ADGRL2: variants seen among roughly 807,000 people sequenced by gnomAD.
ADGRL2 encodes calcium-independent alpha-latrotoxin receptor 2.
In ADGRL2, 44 loss-of-function variants were observed where a neutral mutation model predicts 157.4. That is an observed-to-expected ratio of 0.28 (90% CI 0.22 to 0.36). The LOEUF is 0.36. ADGRL2 is among the 10% of genes least tolerant of loss of function. ADGRL2 has a pLI of 1.00. For synonymous variants in ADGRL2, 585 were observed against 624.7 expected (o/e 0.94, Z 0.95); for missense variants, 1,510 against 1,768.9 (o/e 0.85, Z 2.63).
chr1:81,941,397 A>G (rs1647948728), intron 4 of ADGRL2, among the ~76,000 whole-genome samples: 1 of 151,600 alleles, frequency 6.6e-6, no homozygotes, highest in Non-Finnish European at 1.5e-5. Flanking sequence ...AATGGTTAAA[A>G]TTAATTTATC....
intron 1 of ADGRL2, among the ~76,000 whole-genome samples, chr1:81,405,602 A>T (rs1206122901): frequency 6.7e-6 from 1 of 148,972 alleles, no homozygotes; most frequent in Non-Finnish European, 1.5e-5. Flanking sequence ...GTGAGTTGTG[A>T]TTATACCACC....
rs1660492282 is a variant in ADGRL2 at position 81,321,452 on chromosome 1, C to G, written c.-302+14943C>G. Reference sequence around the variant, plus strand: ...ACATGCCTTTCTCACTAAGCTTCATCATTTCTAGCTTTTGATTTAAAGTTA... The same window carrying G: ...ACATGCCTTTCTCACTAAGCTTCATGATTTCTAGCTTTTGATTTAAAGTTA... On this transcript the variant is annotated intron_variant, in intron 1 of 24. Transcript: ENST00000370721. Among the ~76,000 whole-genome samples the G allele has an allele frequency of 1.3e-5, 2 of 152,290 alleles. 1 individual carries two copies. The highest frequency in any genetic ancestry group is 4.1e-4 in the South Asian group (2 of 4,828).
intron 3 of ADGRL2, among the ~76,000 whole-genome samples, chr1:81,910,143 G>A (rs1370489497): frequency 4.6e-5 from 7 of 151,728 alleles, no homozygotes. Flanking sequence ...GGGAGGCTGA[G>A]GCAGAAGAAT....
intron 3 of ADGRL2, among the ~76,000 whole-genome samples, chr1:81,667,273 C>A (rs1313880508): frequency 6.6e-6 from 1 of 152,134 alleles, no homozygotes; most frequent in East Asian, 1.9e-4. Context: ...TCCCACACAA[C>A]AAGAGAACAA....
At chr1:81,556,303 G>A (rs1382495521) in intron 2 of ADGRL2, among the ~76,000 whole-genome samples, 1 of 146,170 alleles carries the variant, frequency 6.8e-6, no homozygotes, top group East Asian at 2.1e-4. Flanking sequence ...CGATTCTCAG[G>A]CTGTCACAAT....
chr1:81,508,448 C>G (rs78957722), intron 2 of ADGRL2, among the ~76,000 whole-genome samples: 1,533 of 152,298 alleles, frequency 0.01, 13 homozygotes, highest in South Asian at 0.019. Context: ...TATGGGTTCG[C>G]CAGTGTGCTC....
chr1:81,872,370 C>T (rs889363538), intron 2 of ADGRL2, among the ~76,000 whole-genome samples: 1 of 152,140 alleles, frequency 6.6e-6, no homozygotes, highest in African/African-American at 2.4e-5. Flanking sequence ...AGCGTGATGC[C>T]TCCAGCTTTG....
At chr1:81,550,575 C>A (rs995315682) in intron 2 of ADGRL2, among the ~76,000 whole-genome samples, 2 of 152,100 alleles carry the variant, frequency 1.3e-5, no homozygotes, top group Non-Finnish European at 2.9e-5. Context: ...TCATCACAGG[C>A]TTTGTAGCTC....
rs150775114 is a variant in ADGRL2 at position 81,468,116 on chromosome 1, T to C, written c.-248+23027T>C. On this transcript the variant is annotated intron_variant, in intron 2 of 24. Coordinates refer to the ADGRL2 transcript ENST00000370721. ...AAAATCCTATAGAAACAAATAAGTATTGTTTTTCTAGGGAAAAGAAAATAT... is the reference window on the plus strand; with the variant it reads ...AAAATCCTATAGAAACAAATAAGTACTGTTTTTCTAGGGAAAAGAAAATAT... Among the ~76,000 whole-genome samples, 32 of 152,282 alleles carry C rather than the reference T, an allele frequency of 2.1e-4. No individual in the cohort carries two copies. In the East Asian group the frequency reaches 3.9e-3, roughly 18 times the overall value.
At chr1:81,484,127 C>A (rs1409147852) in intron 2 of ADGRL2, among the ~76,000 whole-genome samples, 3 of 152,078 alleles carry the variant, frequency 2.0e-5, no homozygotes, top group African/African-American at 7.2e-5. Context: ...GAATAAATCC[C>A]TTTTGGTCTT....
intron 1 of ADGRL2, among the ~76,000 whole-genome samples, chr1:81,411,588 A>G (rs2076945337): frequency 6.6e-6 from 1 of 152,198 alleles, no homozygotes; most frequent in African/African-American, 2.4e-5. Context: ...ACTACTGGAA[A>G]TAGTTTTAAA....
At chr1:81,656,611 T>G (rs557918264) in intron 3 of ADGRL2, among the ~76,000 whole-genome samples, 5 of 152,194 alleles carry the variant, frequency 3.3e-5, no homozygotes, top group Admixed American at 3.3e-4. Flanking sequence ...GCTATCTACA[T>G]TTTCCCAAAA....
At chr1:81,395,249 T>C (rs769577122) in intron 1 of ADGRL2, among the ~76,000 whole-genome samples, 4 of 152,284 alleles carry the variant, frequency 2.6e-5, no homozygotes, top group South Asian at 2.1e-4. Context: ...TGATATCTCA[T>C]TGTGGTTTTG....
At chr1:81,630,157 T>C (rs948010518) in intron 3 of ADGRL2, among the ~76,000 whole-genome samples, 1 of 152,034 alleles carries the variant, frequency 6.6e-6, no homozygotes, top group Non-Finnish European at 1.5e-5. Context: ...TAGTGACATA[T>C]TGAGAGAGTG....
rs1664772434 is a variant in ADGRL2 at position 81,992,704 on chromosome 1, C to T, written c.*1559C>T. Among the ~76,000 whole-genome samples, 1 of 151,950 alleles carries T rather than the reference C, an allele frequency of 6.6e-6. No homozygotes were observed. The highest frequency in any genetic ancestry group is 1.5e-5 in the Non-Finnish European group (1 of 67,998). On this transcript the variant is annotated 3_prime_UTR_variant, in exon 24 of 24. Coordinates refer to ENST00000686636, the MANE Select transcript of ADGRL2 (RefSeq NM_001366006.2). ...AAAAAAGAAGGATTGGAAGTTCTGC[C>T]ATCAAATTTGGGTATCATAAAAAGT...
chr1:81,481,827 C>T (rs771858687), intron 2 of ADGRL2, among the ~76,000 whole-genome samples: 1 of 152,150 alleles, frequency 6.6e-6, no homozygotes, highest in Non-Finnish European at 1.5e-5. Flanking sequence ...TGCTCCTTAA[C>T]TTCACCTCTC....
chr1:81,309,220 C>T (rs139358198), intron 1 of ADGRL2, among the ~76,000 whole-genome samples: 75 of 152,100 alleles, frequency 4.9e-4, no homozygotes, highest in African/African-American at 1.6e-3. Context: ...TCTGTAATAC[C>T]GTATATATTT....
intron 3 of ADGRL2, among the ~76,000 whole-genome samples, chr1:81,929,893 A>T (rs1050207269): frequency 3.3e-5 from 5 of 152,162 alleles, no homozygotes; most frequent in Non-Finnish European, 5.9e-5. Flanking sequence ...AGTTGCCTGC[A>T]CTATCCCATT....
chr1:81,988,382 T>A (rs2149517919), intron 23 of ADGRL2: 1 of 152,132 alleles, frequency 6.6e-6, no homozygotes, highest in East Asian at 1.9e-4. Flanking sequence ...CAAAAGAAAA[T>A]CTTTGAAAAC....
Sources: allele counts gnomAD v4.1 joint callset (sites outside exome capture counted in the v4.1 genomes callset), GRCh38; gene constraint gnomAD v4.1.1; transcripts MANE v1.5; gene names NCBI Gene and HGNC (gene_info 2026-07-23, HGNC 2026-07-21).